The following KATNA1 variants were observed in gnomAD, a reference collection of about 807,000 sequenced individuals.
KATNA1 encodes the protein katanin p60 ATPase-containing subunit A1.
A neutral mutation model predicts 62.6 loss-of-function variants in KATNA1; 42 were observed. That is an observed-to-expected ratio of 0.67 (90% CI 0.52 to 0.87). The LOEUF (loss-of-function observed/expected upper bound fraction) is 0.87. Ranked by LOEUF, KATNA1 falls within the 40% of genes least tolerant of loss-of-function variation. The probability of loss-of-function intolerance (pLI) is 0.00; values close to 1 mark genes in which losing one functional copy is unlikely to be tolerated. For missense variants in KATNA1, 498 were observed against 612.5 expected, an observed-to-expected ratio of 0.81 and a Z score of 1.97; for synonymous variants, 186 against 201.9, an observed-to-expected ratio of 0.92 and a Z score of 0.67.
intron 4 of KATNA1, among the ~76,000 whole-genome samples, chr6:149,617,178 T>C (rs1261835809): frequency 2.0e-5 from 3 of 152,168 alleles, no homozygotes; most frequent in African/African-American, 7.2e-5. Context: ...ATGATGACTT[T>C]AATGGGTGTA....
At chr6:149,617,939 A>AAAATAAATAAAT (rs1333260724) in intron 4 of KATNA1, among the ~76,000 whole-genome samples, 32,464 of 133,116 alleles carry the variant, frequency 0.24, 4,476 homozygotes, top group East Asian at 0.45. Flanking sequence ...CTTGTCTCCA[A>AAAATAAATAAAT]AAATAAATAA....
chr6:149,632,808 G>A lies in KATNA1; in HGVS notation c.271C>T (p.Pro91Ser), dbSNP rs150555137. 3 of 1,613,752 alleles carry A rather than the reference G, an allele frequency of 1.9e-6. No individual in the cohort carries two copies. Among genetic ancestry groups the A allele is most frequent in the African/African-American group, 1.3e-5 (1 of 74,992 alleles). The change falls in exon 3 of 11, where the codon CCA (proline) becomes TCA (serine). Residue 91 changes from proline (P) to serine (S), a missense_variant. Coordinates refer to ENST00000367411, the MANE Select transcript of KATNA1 (RefSeq NM_007044.4). ...GACCAGACTTCTCCCTCAGAAGCTG[G>A]AAGGTCATGCTGTGCCGCTTTCAAG... Reference protein sequence around the residue: ...TPLKAAQHDLPASEGEVWSMP... With the variant: ...TPLKAAQHDLSASEGEVWSMP...
intron 4 of KATNA1, among the ~76,000 whole-genome samples, chr6:149,606,908 C>A (rs1778762464): frequency 6.6e-6 from 1 of 152,124 alleles, no homozygotes; most frequent in Admixed American, 6.6e-5. Context: ...GGGTGAGCCA[C>A]CACACCCAGC....
intron 4 of KATNA1, among the ~76,000 whole-genome samples, chr6:149,618,993 A>G (rs1779292371): frequency 6.6e-6 from 1 of 152,238 alleles, no homozygotes; most frequent in East Asian, 1.9e-4. Context: ...ATATAAAACT[A>G]AAATGCTTCT....
chr6:149,618,651 C>T (rs138908580), intron 4 of KATNA1, among the ~76,000 whole-genome samples: 103 of 152,130 alleles, frequency 6.8e-4, no homozygotes, highest in African/African-American at 2.4e-3. Context: ...ACCAATGGAA[C>T]AGAATAGAGA....
At position 149,647,516 on chromosome 6, in the gene KATNA1, C is replaced by T. The variant is rs372052946; in HGVS notation, c.-14+953G>A. ...CCAGCCTGGCGACAGAGCAAGACTC[C>T]GTCTCAAAAAAAAAAAAAAAAAAAA... On this transcript the variant is annotated intron_variant, in intron 1 of 10. Transcript: ENST00000367411. Among the ~76,000 whole-genome samples the T allele has an allele frequency of 1.7e-3, 196 of 115,316 alleles. 1 individual carries two copies. Among genetic ancestry groups the T allele is most frequent in the African/African-American group, 6.8e-3 (186 of 27,380 alleles). The allele number at this position is 115,316 out of a possible 152,430, so 75.7% of individuals were successfully genotyped here.
rs1190393220 is a variant in KATNA1 at position 149,632,758 on chromosome 6, C to T, written c.320+1G>A. On this transcript the variant is annotated splice_donor_variant, in intron 3 of 10. Transcript: ENST00000367411. LOFTEE classifies it high-confidence loss of function. ...TGGTTTCTTAAAAGGTTTCCACTTACCTTCGTTCAACAGGTACAGGCATGG... is the reference window on the plus strand; with the variant it reads ...TGGTTTCTTAAAAGGTTTCCACTTATCTTCGTTCAACAGGTACAGGCATGG... The T allele has an allele frequency of 3.1e-6, 5 of 1,599,894 alleles. No homozygotes were observed. Among genetic ancestry groups the T allele is most frequent in the Non-Finnish European group, 1.7e-6 (2 of 1,176,664 alleles).
chr6:149,597,380 AGTACTGTAAAGG>A, intron 9 of KATNA1, 115 bp downstream of exon 9: 1 of 1,238,662 alleles, frequency 8.1e-7, no homozygotes. Flanking sequence ...TAGCCAAACT[AGTACTGTAAAGG>A]AAGATACTCC....
At position 149,597,137 on chromosome 6, in the gene KATNA1, A is replaced by G. The variant is rs1395913749; in HGVS notation, c.1203T>C (p.Ala401=). The change falls in exon 10 of 11, where the codon GCT becomes GCC. Residue 401 remains alanine, a synonymous_variant. Coordinates refer to ENST00000367411, the MANE Select transcript of KATNA1 (RefSeq NM_007044.4). ...LRISLRELEL[A]DDVDLASIAE... Reference sequence around the variant, plus strand: ...CTATACTTGCAAGGTCAACATCATCAGCCAATTCCAACTCACGTAGACTTA... The same window carrying G: ...CTATACTTGCAAGGTCAACATCATCGGCCAATTCCAACTCACGTAGACTTA... 2 of 1,614,206 alleles carry G rather than the reference A, an allele frequency of 1.2e-6. No homozygotes were observed. Among genetic ancestry groups the G allele is most frequent in the Non-Finnish European group, 1.7e-6 (2 of 1,180,014 alleles).
rs939418753 is a variant in KATNA1, at chr6:149,598,593, C to T, written c.889-243G>A. 2.6e-5 allele frequency among the ~76,000 whole-genome samples: 4 copies of T among 151,872 alleles called. No individual in the cohort carries two copies. The East Asian group carries it at 5.9e-4, about 22-fold the overall frequency. On this transcript the variant is annotated intron_variant, in intron 7 of 10. Coordinates refer to ENST00000367411, the MANE Select transcript of KATNA1 (RefSeq NM_007044.4). The stretch of plus-strand genomic sequence containing the variant: ...AAAATATTAGTTGAGTGTGGTTACA[C>T]GTGTCTGAGTCCCAGCTACTCAGGA...
intron 1 of KATNA1, among the ~76,000 whole-genome samples, chr6:149,646,384 A>C (rs768098680): frequency 1.3e-4 from 20 of 152,202 alleles, no homozygotes; most frequent in Non-Finnish European, 2.1e-4. Context: ...AAGATCACGA[A>C]GCCCAATCAT....
At chr6:149,639,985 C>T (rs1411857531) in intron 1 of KATNA1, among the ~76,000 whole-genome samples, 2 of 152,076 alleles carry the variant, frequency 1.3e-5, no homozygotes, top group Non-Finnish European at 1.5e-5. Flanking sequence ...TAGCAGAAGG[C>T]GTATGTATTT....
chr6:149,600,678 A>G (rs550334005), intron 7 of KATNA1, among the ~76,000 whole-genome samples: 101 of 151,682 alleles, frequency 6.7e-4, no homozygotes, highest in African/African-American at 2.4e-3. Flanking sequence ...ACCCATGCCT[A>G]TAAATCTAGC....
At chr6:149,644,020 C>A (rs535218819) in intron 1 of KATNA1, among the ~76,000 whole-genome samples, 18 of 151,972 alleles carry the variant, frequency 1.2e-4, no homozygotes, top group African/African-American at 4.1e-4. Flanking sequence ...GAGTTCGTAA[C>A]CTTGTCCAGT....
At chr6:149,601,779 G>A (rs928459998) in intron 6 of KATNA1, 27 bp from the exon 7 acceptor site, 1 of 1,500,678 alleles carries the variant, frequency 6.7e-7, no homozygotes, top group Non-Finnish European at 8.9e-7. Context: ...AGCCTCAGCA[G>A]AGGATTTATC....
intron 4 of KATNA1, among the ~76,000 whole-genome samples, chr6:149,608,982 T>C (rs997484870): frequency 2.0e-5 from 3 of 152,146 alleles, no homozygotes; most frequent in African/African-American, 4.8e-5. Flanking sequence ...TGATATAATA[T>C]GAAAATGTCC....
intron 3 of KATNA1, 74 bp downstream of exon 3, chr6:149,632,685 C>G (rs958615502): frequency 7.8e-7 from 1 of 1,274,306 alleles, no homozygotes; most frequent in Non-Finnish European, 1.1e-6. Flanking sequence ...CTCAGCCACC[C>G]CATCCTCCTC....
intron 4 of KATNA1, among the ~76,000 whole-genome samples, chr6:149,616,076 G>T (rs909300535): frequency 1.3e-5 from 2 of 152,148 alleles, no homozygotes; most frequent in African/African-American, 4.8e-5. Flanking sequence ...AGGGTGAATG[G>T]TGAGTTATTG....
At chr6:149,643,825 C>T (rs1186497468) in intron 1 of KATNA1, among the ~76,000 whole-genome samples, 1 of 151,852 alleles carries the variant, frequency 6.6e-6, no homozygotes, top group Non-Finnish European at 1.5e-5. Flanking sequence ...TGTACCACCA[C>T]ACCCAGCTAA....
Sources: allele counts gnomAD v4.1 joint callset (sites outside exome capture counted in the v4.1 genomes callset), GRCh38; gene constraint gnomAD v4.1.1; transcripts MANE v1.5; gene names NCBI Gene and HGNC (gene_info 2026-07-23, HGNC 2026-07-21).